The following TIAL1 variants were observed in gnomAD, a reference collection of about 807,000 sequenced individuals.
TIAL1 encodes nucleolysin TIAR.
In TIAL1, 7 loss-of-function variants were observed where a neutral mutation model predicts 59.7. That is an observed-to-expected ratio of 0.12 (90% confidence interval 0.07 to 0.22). TIAL1 has a LOEUF of 0.22. TIAL1 is among the 10% of genes least tolerant of loss of function. The pLI is 1.00. For missense variants in TIAL1, 225 were observed against 462.5 expected, an observed-to-expected ratio of 0.49 and a Z score of 4.71; for synonymous variants, 149 against 146.3, an observed-to-expected ratio of 1.02 and a Z score of -0.13.
rs1485849305 is a variant in TIAL1 at position 119,582,159 on chromosome 10, G to A, written c.283+10C>T. Reference sequence around the variant, plus strand: ...ACTCTTCCACAGTAAAATGCAGCAGGAGTACTTACTGGAAGTATCTTTTTT... The same window carrying A: ...ACTCTTCCACAGTAAAATGCAGCAGAAGTACTTACTGGAAGTATCTTTTTT... On this transcript the variant is annotated intron_variant, in intron 4 of 11. Transcript: ENST00000436547. This position sits in a 1 kb window ranked among gnomAD's most constrained non-coding sequence, Gnocchi z 5.1. 1.2e-6 allele frequency: 2 copies of A among 1,606,804 alleles called. No homozygotes were observed. The highest frequency in any genetic ancestry group is 1.3e-5 in the African/African-American group (1 of 74,410).
At chr10:119,585,428 GGACA>G (rs1350435813) in intron 2 of TIAL1, among the ~76,000 whole-genome samples, 13 of 150,782 alleles carry the variant, frequency 8.6e-5, no homozygotes, top group Admixed American at 8.6e-4. Flanking sequence ...CCAGCCTGGA[GGACA>G]GAGTCAGACC....
chr10:119,579,901 A>G (rs369410804), intron 6 of TIAL1, 34 bp downstream of exon 6: 21 of 1,513,458 alleles, frequency 1.4e-5, no homozygotes, highest in Non-Finnish European at 1.6e-5. Flanking sequence ...TAAATTTAGT[A>G]TTAAAAAATA....
intron 9 of TIAL1, 92 bp downstream of exon 9, chr10:119,577,359 C>T: frequency 6.9e-7 from 1 of 1,448,226 alleles, no homozygotes; most frequent in Non-Finnish European, 9.3e-7. Context: ...CAAAGAAGCA[C>T]TAAAATAACA....
At chr10:119,586,173 TAAATC>T (rs1466139750) in intron 2 of TIAL1, among the ~76,000 whole-genome samples, 10 of 152,198 alleles carry the variant, frequency 6.6e-5, no homozygotes, top group Admixed American at 1.3e-4. Context: ...ATTCATGTCT[TAAATC>T]TAACATCCAA....
chr10:119,593,109 C>T (rs1845975284), intron 1 of TIAL1, among the ~76,000 whole-genome samples: 1 of 152,184 alleles, frequency 6.6e-6, no homozygotes, highest in Non-Finnish European at 1.5e-5. Flanking sequence ...AATTTAGTGT[C>T]ATATTGTAGA....
chr10:119,587,149 C>T (rs1845606725), intron 2 of TIAL1, among the ~76,000 whole-genome samples: 1 of 152,210 alleles, frequency 6.6e-6, no homozygotes, highest in Non-Finnish European at 1.5e-5. Context: ...TAACAGTTCT[C>T]CGTTTCAGGA....
At chr10:119,591,449 C>T (rs1169797347) in intron 1 of TIAL1, among the ~76,000 whole-genome samples, 2 of 151,848 alleles carry the variant, frequency 1.3e-5, no homozygotes, top group Admixed American at 6.6e-5. Context: ...ACCTATTTCC[C>T]GCCAGTTACA....
At position 119,576,740 on chromosome 10, in the gene TIAL1, C is replaced by T; in HGVS notation, c.872G>A (p.Ser291Asn). 4.3e-6 allele frequency: 7 copies of T among 1,613,396 alleles called. No individual in the cohort carries two copies. Among genetic ancestry groups the T allele is most frequent in the Non-Finnish European group, 5.9e-6 (7 of 1,179,848 alleles). ...CACTTGGCTCCATTGGCCCCATTGA[C>T]TATAGTCAACCTAGGAAAAAGCAAA... Reference protein sequence around the residue: ...MTKNFQQVDYSQWGQWSQVYG... With the variant: ...MTKNFQQVDYNQWGQWSQVYG... Residue 291 changes from serine (S) to asparagine (N), a missense_variant, in exon 11 of 12, where the codon AGT becomes AAT. Physicochemically the swap from Ser to Asn is conservative, Grantham distance 46. Around this residue, in one of 4 missense-constraint regions of TIAL1, gnomAD observed 80 missense variants for 158.8 expected, o/e 0.50. Coordinates refer to ENST00000436547, the MANE Select transcript of TIAL1 (RefSeq NM_003252.4).
chr10:119,575,849 A>G lies in TIAL1; in HGVS notation c.1002-58T>C, dbSNP rs1844963192. 3 of 1,480,440 alleles carry G rather than the reference A, an allele frequency of 2.0e-6. No individual in the cohort carries two copies. In the Admixed American group the frequency reaches 8.1e-5, roughly 40 times the overall value. The allele number at this position is 1,480,440 out of a possible 1,614,324, so 91.7% of individuals were successfully genotyped here. A position where few individuals can be genotyped will look rare whatever the true frequency, so the allele number is the denominator to read the frequency against. ...ACAAGAAAAAAAAAATCACATATGT[A>G]TTTACACAAAAATCAAGCAGAGCCT... On this transcript the variant is annotated intron_variant, in intron 11 of 11. Coordinates refer to ENST00000436547, the MANE Select transcript of TIAL1 (RefSeq NM_003252.4).
chr10:119,579,909 A>C, intron 6 of TIAL1, 26 bp downstream of exon 6: 1 of 1,546,620 alleles, frequency 6.5e-7, no homozygotes, highest in South Asian at 1.2e-5. Flanking sequence ...GTATTAAAAA[A>C]TATAAATTGA....
chr10:119,575,613 C>T lies in TIAL1; in HGVS notation c.*52G>A. 1 of 1,604,926 alleles carries T rather than the reference C, an allele frequency of 6.2e-7. No homozygotes were observed. ...GTCTACTTTCATGTCTTCAGAGTGT[C>T]ACAGGAAATCGAAGCCTATCATGAA... On this transcript the variant is annotated 3_prime_UTR_variant, in exon 12 of 12. Coordinates refer to ENST00000436547, the MANE Select transcript of TIAL1 (RefSeq NM_003252.4).
intron 1 of TIAL1, among the ~76,000 whole-genome samples, chr10:119,589,266 C>T (rs1845729950): frequency 6.6e-6 from 1 of 152,168 alleles, no homozygotes; most frequent in South Asian, 2.1e-4. Context: ...AGTGCAGTGG[C>T]ATGATCTCAG....
intron 7 of TIAL1, among the ~76,000 whole-genome samples, chr10:119,578,222 C>T (rs1451812066): frequency 4.4e-5 from 2 of 45,114 alleles, no homozygotes; most frequent in African/African-American, 2.3e-4. Context: ...GAGACTCCAC[C>T]TCAAAAAAAA....
chr10:119,577,918 T>C, intron 7 of TIAL1, among the ~76,000 whole-genome samples, 182 bp from the exon 8 acceptor site: 1 of 152,040 alleles, frequency 6.6e-6, no homozygotes, highest in East Asian at 1.9e-4. Context: ...GACGAAATCC[T>C]GTCTCTACTA....
chr10:119,590,368 G>T (rs929964662), intron 1 of TIAL1, among the ~76,000 whole-genome samples: 1 of 152,198 alleles, frequency 6.6e-6, no homozygotes, highest in African/African-American at 2.4e-5. Flanking sequence ...TTGTGAGCCT[G>T]TATCTCTGAA....
In TIAL1 at chr10:119,584,085, TC is replaced by T. The variant is rs1260186592; in HGVS notation, c.130-1529del. On this transcript the variant is annotated intron_variant, in intron 2 of 11. Coordinates refer to ENST00000436547, the MANE Select transcript of TIAL1 (RefSeq NM_003252.4). Reference sequence around the variant, plus strand: ...GGGTCCAACAGCAGATCTATGATAATCCCATACACTTTAGGAAACTAGTCTA... The same window carrying T: ...GGGTCCAACAGCAGATCTATGATAATCCATACACTTTAGGAAACTAGTCTA... Among the ~76,000 whole-genome samples the T allele has an allele frequency of 2.6e-5, 4 of 152,120 alleles. No homozygotes were observed. The East Asian group carries it at 7.7e-4, about 29-fold the overall frequency.
chr10:119,574,878 A>G lies in TIAL1; in HGVS notation c.*787T>C, dbSNP rs1018292424. Reference sequence around the variant, plus strand: ...ACACTGTAGTTATTGAATATTTACAATATGTATCATTTAAACTTCATGTAA... The same window carrying G: ...ACACTGTAGTTATTGAATATTTACAGTATGTATCATTTAAACTTCATGTAA... On this transcript the variant is annotated 3_prime_UTR_variant, in exon 12 of 12. Transcript: ENST00000436547. 1 of 152,622 alleles carries G rather than the reference A, an allele frequency of 6.6e-6. No homozygotes were observed. The highest frequency in any genetic ancestry group is 1.5e-5 in the Non-Finnish European group (1 of 68,042). The allele number at this position is 152,622 out of a possible 1,614,324, so 9.5% of individuals were successfully genotyped here.
Position 119,575,261 on chromosome 10 carries a change from G to A in TIAL1, c.*404C>T, listed in dbSNP as rs1000166312. 5.7e-6 allele frequency: 1 copy of A among 173,972 alleles called. No homozygotes were observed. Among genetic ancestry groups the A allele is most frequent in the African/African-American group, 2.4e-5 (1 of 41,546 alleles). 10.8% of individuals were successfully genotyped at this position (173,972 alleles called of 1,614,324 possible). A position where few individuals can be genotyped will look rare whatever the true frequency, so the allele number is the denominator to read the frequency against. ...ATCAGGATTCAGGATGAACTTATAT[G>A]TGATTCCCAGGTTTTCACGATCCTC... On this transcript the variant is annotated 3_prime_UTR_variant, in exon 12 of 12. Coordinates refer to ENST00000436547, the MANE Select transcript of TIAL1 (RefSeq NM_003252.4).
At chr10:119,589,657 G>A (rs576874822) in intron 1 of TIAL1, among the ~76,000 whole-genome samples, 2 of 152,156 alleles carry the variant, frequency 1.3e-5, no homozygotes, top group African/African-American at 4.8e-5. Context: ...TGTGTTTTGT[G>A]TAAAAGATTT....
Sources: allele counts gnomAD v4.1 joint callset (sites outside exome capture counted in the v4.1 genomes callset), GRCh38; gene constraint gnomAD v4.1.1; regional missense constraint gnomAD v4.1.1; non-coding constraint Gnocchi (gnomAD v3.1); transcripts MANE v1.5; gene names NCBI Gene and HGNC (gene_info 2026-07-23, HGNC 2026-07-21).